Variants in NOL11 observed in about 807,000 individuals in gnomAD.
The protein encoded by NOL11 is nucleolar protein 11.
A neutral mutation model predicts 93.0 loss-of-function variants in NOL11; 42 were observed. The ratio of observed to expected loss-of-function variants is 0.45; its 90% CI spans 0.35 to 0.58. The LOEUF (loss-of-function observed/expected upper bound fraction) is 0.58. NOL11 is among the 20% of genes least tolerant of loss of function. NOL11 has a pLI of 0.00. For synonymous variants in NOL11, 296 were observed against 293.7 expected (o/e 1.01, Z -0.08); for missense variants, 775 against 841.8 (o/e 0.92, Z 0.98).
chr17:67,737,587 T>A lies in NOL11; in HGVS notation c.1298T>A (p.Ile433Asn). 2 of 1,614,068 alleles carry A rather than the reference T, an allele frequency of 1.2e-6. No individual in the cohort carries two copies. The highest frequency in any genetic ancestry group is 1.7e-6 in the Non-Finnish European group (2 of 1,179,908). Residue 433 changes from isoleucine (I) to asparagine (N), a missense_variant, in exon 12 of 18, where the codon ATT becomes AAT. Around this residue, in one of 2 missense-constraint regions of NOL11, gnomAD observed 416 missense variants for 525.2 expected, o/e 0.79. Transcript: ENST00000253247. ...CAGACACCTGACTTTCATACTGTCA[T>A]TGGGGACACAGTAACAGGACTTCTG... is the stretch of plus-strand genomic sequence containing the variant. Reference protein sequence around the residue: ...LKQTPDFHTVIGDTVTGLLER... With the variant: ...LKQTPDFHTVNGDTVTGLLER...
At chr17:67,721,624 A>G (rs1361381022) in intron 4 of NOL11, 98 bp downstream of exon 4, 1 of 974,330 alleles carries the variant, frequency 1.0e-6, no homozygotes, top group Admixed American at 2.5e-5. Flanking sequence ...ACATAATGAA[A>G]GTAACCTAAT....
At chr17:67,742,328 A>G (rs1272179557) in intron 16 of NOL11, among the ~76,000 whole-genome samples, 2 of 152,078 alleles carry the variant, frequency 1.3e-5, no homozygotes, top group Non-Finnish European at 2.9e-5. Context: ...TTGTCCATTT[A>G]TATTTGTTTT....
chr17:67,736,856 T>A, intron 10 of NOL11, 102 bp downstream of exon 10: 1 of 891,916 alleles, frequency 1.1e-6, no homozygotes, highest in Non-Finnish European at 1.7e-6. Flanking sequence ...CTTAGAGCTT[T>A]GACTATAATG....
intron 1 of NOL11, 49 bp downstream of exon 1, chr17:67,718,137 C>T: frequency 6.3e-7 from 1 of 1,592,844 alleles, no homozygotes; most frequent in Non-Finnish European, 8.6e-7. Context: ...TCGCCCCTTT[C>T]TGAGCGCGGA....
In NOL11 at chr17:67,728,043, A is replaced by G. The variant is rs190526991; in HGVS notation, c.853+1395A>G. On this transcript the variant is annotated intron_variant, in intron 7 of 17. Transcript: ENST00000253247. The stretch of plus-strand genomic sequence containing the variant: ...TGGGAGGCCAAGACGGGCTGATCAC[A>G]AGGTCAGCAGATCAAGACCATCCTG... Among the ~76,000 whole-genome samples the G allele has an allele frequency of 5.5e-3, 833 of 152,148 alleles. 4 individuals carry two copies. Among genetic ancestry groups the G allele is most frequent in the Non-Finnish European group, 9.1e-3 (616 of 68,010 alleles).
intron 16 of NOL11, among the ~76,000 whole-genome samples, chr17:67,741,300 C>A (rs2055254746): frequency 6.6e-6 from 1 of 152,076 alleles, no homozygotes; most frequent in African/African-American, 2.4e-5. Context: ...AAACTCCTGA[C>A]CTCAGGTGAT....
At chr17:67,742,272 T>G (rs1382941909) in intron 16 of NOL11, among the ~76,000 whole-genome samples, 1 of 152,214 alleles carries the variant, frequency 6.6e-6, no homozygotes, top group African/African-American at 2.4e-5. Flanking sequence ...GTTACCTCAT[T>G]TTAATTTGCA....
Position 67,728,382 on chromosome 17 carries a change from C to A in NOL11, c.853+1734C>A, listed in dbSNP as rs531660847. Among the ~76,000 whole-genome samples the A allele has an allele frequency of 2.0e-5, 3 of 152,290 alleles. No homozygotes were observed. In the East Asian group the frequency reaches 5.8e-4, roughly 29 times the overall value. Reference sequence around the variant, plus strand: ...GGAGGAAATAAAGTTGTTACTATCCCCCTTTACAAAACAGGAAACTGAGGT... The same window carrying A: ...GGAGGAAATAAAGTTGTTACTATCCACCTTTACAAAACAGGAAACTGAGGT... On this transcript the variant is annotated intron_variant, in intron 7 of 17. Transcript: ENST00000253247.
At chr17:67,737,783 A>C in intron 12 of NOL11, 64 bp from the exon 13 acceptor site, 1 of 1,584,652 alleles carries the variant, frequency 6.3e-7, no homozygotes, top group South Asian at 1.2e-5. Context: ...CAAAAGGCTT[A>C]TAAATGTTCT....
intron 5 of NOL11, among the ~76,000 whole-genome samples, chr17:67,723,208 C>T (rs1013263218): frequency 2.6e-5 from 4 of 151,342 alleles, no homozygotes; most frequent in African/African-American, 7.3e-5. Flanking sequence ...GACGGGGTTT[C>T]TCCATGTTGG....
chr17:67,743,638 GAATTAC>G (rs2055275135), intron 17 of NOL11, 52 bp downstream of exon 17: 1 of 1,252,948 alleles, frequency 8.0e-7, no homozygotes, highest in East Asian at 2.4e-5. Context: ...AGTATCACCT[GAATTAC>G]AATTATTCTT....
chr17:67,730,434 G>A (rs1447153782), intron 7 of NOL11, among the ~76,000 whole-genome samples: 1 of 152,070 alleles, frequency 6.6e-6, no homozygotes, highest in Admixed American at 6.5e-5. Flanking sequence ...CTAATTTTTT[G>A]TATTTTTAGT....
chr17:67,734,462 T>G (rs774271412), intron 8 of NOL11, 23 bp downstream of exon 8: 2 of 1,392,324 alleles, frequency 1.4e-6, no homozygotes, highest in Non-Finnish European at 2.0e-6. Context: ...ACTTGAGTAC[T>G]TTCTCTGATT....
At chr17:67,734,514 G>GGGCAACAGAGTGA in intron 8 of NOL11, 75 bp downstream of exon 8, 2 of 898,924 alleles carry the variant, frequency 2.2e-6, no homozygotes, top group Non-Finnish European at 3.6e-6. Flanking sequence ...TTTTGAGATG[G>GGGCAACAGAGTGA]GGCCTCACTC....
intron 11 of NOL11, 21 bp downstream of exon 11, chr17:67,737,166 T>C: frequency 1.4e-6 from 2 of 1,454,608 alleles, no homozygotes; most frequent in Non-Finnish European, 9.6e-7. Context: ...AATATTGAAA[T>C]ATGAAAAATC....
At chr17:67,737,225 T>C in intron 11 of NOL11, 80 bp downstream of exon 11, 4 of 875,152 alleles carry the variant, frequency 4.6e-6, no homozygotes, top group South Asian at 2.9e-5. Context: ...TTCTGTCTTA[T>C]TTTTATGATC....
chr17:67,725,084 T>C (rs936823729), intron 6 of NOL11, among the ~76,000 whole-genome samples: 4 of 151,942 alleles, frequency 2.6e-5, no homozygotes, highest in Admixed American at 2.0e-4. Context: ...AACAAAAAAA[T>C]TTACCATAAG....
rs770722856 is a variant in NOL11 at position 67,736,674 on chromosome 17, G to C, written c.1063G>C (p.Val355Leu). Residue 355 changes from valine to leucine, a missense_variant, in exon 10 of 18, where the codon GTC becomes CTC. Val to Leu is a conservative substitution (Grantham distance 32). This residue lies in a region of NOL11 where 416 missense variants were observed against 525.2 expected (regional missense o/e 0.79). Coordinates refer to ENST00000253247, the MANE Select transcript of NOL11 (RefSeq NM_015462.5). ...ATTTTGCATTTTCTTAGGAACTCAT[G>C]TCGTGTCCCATTTTGTAAACTGGGA... Reference protein sequence around the residue: ...LKHSQDPGTHVVSHFVNWETP... With the variant: ...LKHSQDPGTHLVSHFVNWETP... 6.2e-7 allele frequency: 1 copy of C among 1,608,538 alleles called. No homozygotes were observed.
intron 6 of NOL11, among the ~76,000 whole-genome samples, chr17:67,725,405 A>T (rs1324997504): frequency 6.6e-6 from 1 of 152,190 alleles, no homozygotes; most frequent in Non-Finnish European, 1.5e-5. Context: ...GGAAGAAAAA[A>T]AAAAGTCTTT....
Sources: gnomAD v4.1 joint callset for allele counts (sites outside exome capture counted in the v4.1 genomes callset) on GRCh38, gnomAD v4.1.1 for gene constraint, gnomAD v4.1.1 regional missense constraint, MANE v1.5 for transcripts, NCBI Gene and HGNC (gene_info 2026-07-23, HGNC 2026-07-21) for gene names.